Variants in XIAP observed in about 807,000 individuals in gnomAD.
The protein encoded by XIAP is E3 ubiquitin-protein ligase XIAP.
XIAP carries 3 observed loss-of-function variants against 33.1 expected under a neutral mutation model. The observed-to-expected ratio is 0.09, with a 90% confidence interval of 0.04 to 0.23. The LOEUF (loss-of-function observed/expected upper bound fraction) is 0.23, where lower values mean the gene tolerates loss of function less well. XIAP is among the 10% of genes least tolerant of loss of function. XIAP has a pLI of 1.00. For missense variants in XIAP, 264 were observed against 363.0 expected (o/e 0.73, Z 2.22); for synonymous variants, 98 against 121.3 (o/e 0.81, Z 1.26).
In XIAP at chrX:123,891,335, A is replaced by T. The variant is rs769758486; in HGVS notation, c.1056+19A>T. The T allele has an allele frequency of 2.1e-4, 170 of 801,984 alleles. No homozygotes were observed. The Middle Eastern group carries it at 4.1e-3, about 19-fold the overall frequency. The allele number at this position is 801,984 out of a possible 1,213,427, so 66.1% of individuals were successfully genotyped here. On this transcript the variant is annotated intron_variant, in intron 4 of 6. Coordinates refer to ENST00000371199, the MANE Select transcript of XIAP (RefSeq NM_001167.4). ...GTGTCTGGTAAGTCTCATATAATTT[A>T]TATTTTCAAATTCACATTTCAAATT...
chrX:123,884,766 T>A (rs931535462), intron 1 of XIAP, among the ~76,000 whole-genome samples: 4 of 111,553 alleles, frequency 3.6e-5, no homozygotes, highest in Middle Eastern at 4.6e-3. Flanking sequence ...TAATAATTGA[T>A]ACCCTTCTCA....
In XIAP at chrX:123,906,581, C is replaced by G. The variant is rs188812432; in HGVS notation, c.1301-407C>G. Among the ~76,000 whole-genome samples the G allele has an allele frequency of 1.2e-4, 13 of 111,559 alleles. No homozygotes were observed. In the East Asian group the frequency reaches 3.1e-3, roughly 26 times the overall value. ...GTCGTGACCTTTCCATATGCTGCTC[C>G]TTTTACCTAACCCTTGTTTTTCTGC... On this transcript the variant is annotated intron_variant, in intron 6 of 6. Coordinates refer to ENST00000371199, the MANE Select transcript of XIAP (RefSeq NM_001167.4).
chrX:123,877,298 C>T (rs2053254959), intron 1 of XIAP, among the ~76,000 whole-genome samples: 2 of 111,535 alleles, frequency 1.8e-5, no homozygotes, highest in Non-Finnish European at 1.9e-5. Context: ...AACTCCTGAC[C>T]TCAAGTGATC....
chrX:123,878,991 A>C (rs189309725), intron 1 of XIAP: 1 of 114,079 alleles, frequency 8.8e-6, no homozygotes, highest in Admixed American at 9.4e-5. Flanking sequence ...TGCTGTTTGC[A>C]CTCATCATGT....
intron 1 of XIAP, among the ~76,000 whole-genome samples, chrX:123,877,009 T>G (rs918445121): frequency 1.2e-4 from 13 of 109,199 alleles, no homozygotes; most frequent in Admixed American, 4.0e-4. Flanking sequence ...AAATTAGGAG[T>G]AAATACAAGA....
chrX:123,901,303 T>A (rs1029523560), intron 6 of XIAP, among the ~76,000 whole-genome samples: 1 of 111,708 alleles, frequency 9.0e-6, no homozygotes, highest in African/African-American at 3.3e-5. Flanking sequence ...GAAGATCACC[T>A]GAGCCAGGGA....
chrX:123,870,125 A>G (rs2053180808), intron 1 of XIAP, among the ~76,000 whole-genome samples: 1 of 112,320 alleles, frequency 8.9e-6, no homozygotes. Context: ...ACGCCCAGCT[A>G]ATTTTTTTGT....
rs142874510 is a variant in XIAP, at chrX:123,881,516, A to G, written c.-32-4115A>G. Among the ~76,000 whole-genome samples, 464 of 111,347 alleles carry G rather than the reference A, an allele frequency of 4.2e-3. 2 individuals are homozygous for G. The highest frequency in any genetic ancestry group is 0.015 in the African/African-American group (453 of 30,700). On this transcript the variant is annotated intron_variant, in intron 1 of 6. Coordinates refer to ENST00000371199, the MANE Select transcript of XIAP (RefSeq NM_001167.4). ...CTTCTCAAAAAGCTCACACTCTGCTAATGTGTATATATTGTTCACTTGAGT... is the reference window on the plus strand; with the variant it reads ...CTTCTCAAAAAGCTCACACTCTGCTGATGTGTATATATTGTTCACTTGAGT...
At position 123,907,907 on chromosome X, in the gene XIAP, A is replaced by G. The variant is rs1157914820; in HGVS notation, c.*726A>G. 2.2e-5 allele frequency: 8 copies of G among 358,901 alleles called. No individual in the cohort carries two copies. Among genetic ancestry groups the G allele is most frequent in the Admixed American group, 2.2e-4 (7 of 32,420 alleles). The allele number at this position is 358,901 out of a possible 1,213,427, so 29.6% of individuals were successfully genotyped here. On this transcript the variant is annotated 3_prime_UTR_variant, in exon 7 of 7. Transcript: ENST00000371199. ...TATGTTTTTAATATGCATAGAACAA[A>G]AGATTTGGAAAGATATACACCAAAC...
At chrX:123,905,509 G>A (rs1213729661) in intron 6 of XIAP, among the ~76,000 whole-genome samples, 2 of 111,098 alleles carry the variant, frequency 1.8e-5, no homozygotes, top group East Asian at 2.8e-4. Context: ...GCACACACAC[G>A]CACACACACC....
chrX:123,862,374 A>AT lies in XIAP; in HGVS notation c.-33+2095dup, dbSNP rs1379059878. On this transcript the variant is annotated intron_variant, in intron 1 of 6. Transcript: ENST00000371199. ...ATGAGCCACCTCGCCTGGCCAGTCC[A>AT]TTTTTTTTTTTTTTGAGACAGAGTT... Among the ~76,000 whole-genome samples the AT allele has an allele frequency of 3.7e-3, 345 of 94,134 alleles. 3 individuals are homozygous for AT. Among genetic ancestry groups the AT allele is most frequent in the African/African-American group, 9.1e-3 (233 of 25,720 alleles). 81.7% of individuals were successfully genotyped at this position (94,134 alleles called of 115,157 possible).
chrX:123,907,199 C>T lies in XIAP; in HGVS notation c.*18C>T, dbSNP rs1316291896. Reference sequence around the variant, plus strand: ...TGTCTTAATCTAACTCTATAGTAGGCATGTTATGTTGTTCTTATTACCCTG... The same window carrying T: ...TGTCTTAATCTAACTCTATAGTAGGTATGTTATGTTGTTCTTATTACCCTG... On this transcript the variant is annotated 3_prime_UTR_variant, in exon 7 of 7. Coordinates refer to ENST00000371199, the MANE Select transcript of XIAP (RefSeq NM_001167.4). 5 of 1,161,760 alleles carry T rather than the reference C, an allele frequency of 4.3e-6. No homozygotes were observed. The highest frequency in any genetic ancestry group is 2.2e-5 in the Admixed American group (1 of 45,200).
chrX:123,885,896 A>C lies in XIAP; in HGVS notation c.234A>C (p.Ser78=). The stretch of plus-strand genomic sequence containing the variant: ...TAGATAGATGGCAATATGGAGACTC[A>C]GCAGTTGGAAGACACAGGAAAGTAT... The part of the protein sequence containing the change: ...AAVDRWQYGD[S]AVGRHRKVSP... Residue 78 remains serine (S), a synonymous_variant, in exon 2 of 7, where the codon TCA becomes TCC. Coordinates refer to ENST00000371199, the MANE Select transcript of XIAP (RefSeq NM_001167.4). 1 of 1,211,850 alleles carries C rather than the reference A, an allele frequency of 8.3e-7. No homozygotes were observed. Among genetic ancestry groups the C allele is most frequent in the East Asian group, 3.0e-5 (1 of 33,868 alleles).
chrX:123,871,888 G>A (rs1018234113), intron 1 of XIAP, among the ~76,000 whole-genome samples: 1 of 109,921 alleles, frequency 9.1e-6, no homozygotes, highest in African/African-American at 3.3e-5. Context: ...GGATCACGAG[G>A]TCAGGAGATC....
intron 3 of XIAP, among the ~76,000 whole-genome samples, chrX:123,890,559 G>C (rs1203900385): frequency 9.3e-6 from 1 of 107,409 alleles, no homozygotes; most frequent in Admixed American, 1.0e-4. Context: ...GAGCTGGGGA[G>C]GCAGAGGTTG....
intron 1 of XIAP, among the ~76,000 whole-genome samples, chrX:123,864,635 AGTGTGTGTGTGTGTGTGTGTGTGTGT>A (rs748255094): frequency 1.2e-5 from 1 of 84,665 alleles, no homozygotes; most frequent in Admixed American, 1.4e-4. Flanking sequence ...CCCGGCTTAG[AGTGTGTGTGTGTGTGTGTGTGTGTGT>A]GTGTGTGTGT....
In XIAP at chrX:123,893,315, C is replaced by T. The variant is rs1027966152; in HGVS notation, c.1099+542C>T. On this transcript the variant is annotated intron_variant, in intron 5 of 6. Transcript: ENST00000371199. Reference sequence around the variant, plus strand: ...CAGGCCAATCACGAGGTCAGGAGATCGAGACCATCCTGGCTAACATGGTGA... The same window carrying T: ...CAGGCCAATCACGAGGTCAGGAGATTGAGACCATCCTGGCTAACATGGTGA... Among the ~76,000 whole-genome samples the T allele has an allele frequency of 2.8e-5, 3 of 106,589 alleles. No homozygotes were observed. The Admixed American group carries it at 3.1e-4, about 11-fold the overall frequency. The allele number at this position is 106,589 out of a possible 115,157, so 92.6% of individuals were successfully genotyped here.
In XIAP at chrX:123,907,835, T is replaced by C; in HGVS notation, c.*654T>C. The C allele has an allele frequency of 2.6e-6, 1 of 380,640 alleles. No individual in the cohort carries two copies. The highest frequency in any genetic ancestry group is 3.0e-5 in the Admixed American group (1 of 33,557). The allele number at this position is 380,640 out of a possible 1,213,427, so 31.4% of individuals were successfully genotyped here. A position where few individuals can be genotyped will look rare whatever the true frequency, so the allele number is the denominator to read the frequency against. On this transcript the variant is annotated 3_prime_UTR_variant, in exon 7 of 7. Transcript: ENST00000371199. ...TGTCAAAGATATGTTAAGTGTAAAA[T>C]GCAAGTGGCAAAACACTATGTATAG...
chrX:123,891,910 G>A (rs182879826), intron 4 of XIAP, among the ~76,000 whole-genome samples: 1 of 109,420 alleles, frequency 9.1e-6, no homozygotes, highest in African/African-American at 3.3e-5. Context: ...TAATCAGGAT[G>A]AACTGATTTA....
Sources: gnomAD v4.1 joint callset for allele counts (sites outside exome capture counted in the v4.1 genomes callset) on GRCh38, gnomAD v4.1.1 for gene constraint, MANE v1.5 for transcripts, NCBI Gene and HGNC (gene_info 2026-07-23, HGNC 2026-07-21) for gene names.